The following CTNNB1 variants were observed in gnomAD, a reference collection of about 807,000 sequenced individuals.
The protein encoded by CTNNB1 is catenin beta 1.
CTNNB1 carries 6 observed loss-of-function variants against 82.5 expected under a neutral mutation model. The observed-to-expected ratio is 0.07, with a 90% CI of 0.04 to 0.14. The LOEUF is 0.14. Among genes scored for constraint, CTNNB1 ranks in the 10% least tolerant of loss-of-function variants. The pLI is 1.00. For synonymous variants in CTNNB1, 312 were observed against 329.7 expected, an observed-to-expected ratio of 0.95 and a Z score of 0.58; for missense variants, 529 against 980.4, an observed-to-expected ratio of 0.54 and a Z score of 6.15.
intron 1 of CTNNB1, among the ~76,000 whole-genome samples, chr3:41,220,288 G>C (rs2078014592): frequency 6.6e-6 from 1 of 151,708 alleles, no homozygotes; most frequent in Admixed American, 6.6e-5. Flanking sequence ...CAGTACCAAA[G>C]GCATACATTT....
At chr3:41,227,412 C>T (rs5743393) in intron 7 of CTNNB1, 60 bp downstream of exon 7, 7 of 1,574,774 alleles carry the variant, frequency 4.4e-6, no homozygotes, top group African/African-American at 1.3e-5. Flanking sequence ...AATTAGATTA[C>T]TTTTCTTAGG....
chr3:41,199,702 G>A (rs1032329293), intron 1 of CTNNB1, 32 bp downstream of exon 1: 10 of 152,074 alleles, frequency 6.6e-5, no homozygotes, highest in African/African-American at 2.4e-4. Context: ...TATCCTTCCG[G>A]GGCTGCTCCC....
At chr3:41,205,041 G>A (rs2077617568) in intron 1 of CTNNB1, among the ~76,000 whole-genome samples, 1 of 152,150 alleles carries the variant, frequency 6.6e-6, no homozygotes, top group African/African-American at 2.4e-5. Flanking sequence ...GGAAAAGGGG[G>A]AGAAGTAACT....
rs1295048026 is a variant in CTNNB1, at chr3:41,224,972, C to T, written c.260C>T (p.Ala87Val). The T allele has an allele frequency of 6.2e-7, 1 of 1,614,028 alleles. No homozygotes were observed. Among genetic ancestry groups the T allele is most frequent in the Non-Finnish European group, 8.5e-7 (1 of 1,179,962 alleles). ...TTTCCAGATATTGATGGACAGTATG[C>T]AATGACTCGAGCTCAGAGGGTACGA... ...EQVADIDGQY[A>V]MTRAQRVRAA... Residue 87 changes from alanine (A) to valine (V), a missense_variant, in exon 4 of 15, where the codon GCA (alanine) becomes GTA (valine). This residue lies in a region of CTNNB1 where 411 missense variants were observed against 776.4 expected (regional missense o/e 0.53). Transcript: ENST00000349496.
At chr3:41,233,125 A>G in intron 7 of CTNNB1, 1 of 614,730 alleles carries the variant, frequency 1.6e-6, no homozygotes, top group Non-Finnish European at 2.9e-6. Flanking sequence ...GGAAAGGAAC[A>G]GTAGCTATTT....
intron 2 of CTNNB1, 148 bp from the exon 3 acceptor site, chr3:41,224,378 C>G: frequency 1.2e-6 from 1 of 865,432 alleles, no homozygotes; most frequent in African/African-American, 1.7e-5. Context: ...CTGAGCTAAC[C>G]CTGGCTATCA....
chr3:41,210,550 C>G (rs973381412), intron 1 of CTNNB1, among the ~76,000 whole-genome samples: 1 of 152,202 alleles, frequency 6.6e-6, no homozygotes, highest in African/African-American at 2.4e-5. Context: ...ATCTCCACAT[C>G]TTGTCCTTCT....
At position 41,224,761 on chromosome 3, in the gene CTNNB1, T is replaced by C. The variant is rs2125618503; in HGVS notation, c.241+8T>C. 1 of 1,612,236 alleles carries C rather than the reference T, an allele frequency of 6.2e-7. No individual in the cohort carries two copies. Among genetic ancestry groups the C allele is most frequent in the Non-Finnish European group, 8.5e-7 (1 of 1,178,570 alleles). The stretch of plus-strand genomic sequence containing the variant: ...CTCAAGAACAAGTAGCTGGTAAGAG[T>C]ATTATTTTTCATTGCCTTACTGAAA... On this transcript the variant is annotated splice_region_variant and intron_variant, in intron 3 of 14. Transcript: ENST00000349496.
chr3:41,224,928 G>A (rs748570447), intron 3 of CTNNB1, 26 bp from the exon 4 acceptor site: 1 of 1,614,078 alleles, frequency 6.2e-7, no homozygotes, highest in Non-Finnish European at 8.5e-7. Flanking sequence ...ACTGTGGATA[G>A]TGAGTGTTGA....
rs767634955 is a variant in CTNNB1 at position 41,234,126 on chromosome 3, T to C, written c.1525-13T>C. The C allele has an allele frequency of 6.2e-7, 1 of 1,614,206 alleles. No homozygotes were observed. Among genetic ancestry groups the C allele is most frequent in the Non-Finnish European group, 8.5e-7 (1 of 1,180,020 alleles). On this transcript the variant is annotated splice_polypyrimidine_tract_variant and intron_variant, in intron 9 of 14. Transcript: ENST00000349496. ...TGTTGAGTTGTATGCCAGTTCTTCC[T>C]TCTGTTTTTCAGGCTACTGTTGGAT...
intron 10 of CTNNB1, 173 bp from the exon 11 acceptor site, chr3:41,235,551 A>T: frequency 1.3e-6 from 1 of 766,706 alleles, no homozygotes; most frequent in Non-Finnish European, 2.2e-6. Context: ...TAGTGCTGCC[A>T]GGAGGCCTCT....
chr3:41,206,329 G>A lies in CTNNB1; in HGVS notation c.-49+6659G>A, dbSNP rs925739412. Among the ~76,000 whole-genome samples, 3 of 152,056 alleles carry A rather than the reference G, an allele frequency of 2.0e-5. 1 individual carries two copies. In the Middle Eastern group the frequency reaches 9.5e-3, roughly 481 times the overall value. The stretch of plus-strand genomic sequence containing the variant: ...GGTAGCTGAGTTGGAAGCCAAAGAC[G>A]TACAAAAAAGCTGAAGTGTTAGGTT... On this transcript the variant is annotated intron_variant, in intron 1 of 14. Coordinates refer to ENST00000349496, the MANE Select transcript of CTNNB1 (RefSeq NM_001904.4).
chr3:41,236,628 C>T lies in CTNNB1; in HGVS notation c.1995C>T (p.Asp665=), dbSNP rs77750814. ...AAAVLFRMSE[D]KPQDYKKRLS... is the part of the protein sequence containing the mutation. ...CTGTTTTGTTCCGAATGTCTGAGGA[C>T]AAGCCACAAGATTACAAGAAACGGC... Residue 665 remains aspartate (D), a synonymous_variant, in exon 13 of 15, where the codon GAC becomes GAT. Coordinates refer to ENST00000349496, the MANE Select transcript of CTNNB1 (RefSeq NM_001904.4). 1.9e-6 allele frequency: 3 copies of T among 1,599,502 alleles called. No homozygotes were observed. Among genetic ancestry groups the T allele is most frequent in the African/African-American group, 2.7e-5 (2 of 74,470 alleles).
Position 41,224,511 on chromosome 3 carries a change from G to A in CTNNB1, c.14-15G>A, listed in dbSNP as rs200342485. The A allele has an allele frequency of 6.2e-7, 1 of 1,605,936 alleles. No homozygotes were observed. Among genetic ancestry groups the A allele is most frequent in the East Asian group, 2.2e-5 (1 of 44,820 alleles). ...TTTCCAATCTACTAATGCTAATACT[G>A]TTTCGTATTTATAGCTGATTTGATG... On this transcript the variant is annotated splice_polypyrimidine_tract_variant and intron_variant, in intron 2 of 14. Coordinates refer to ENST00000349496, the MANE Select transcript of CTNNB1 (RefSeq NM_001904.4).
intron 3 of CTNNB1, 39 bp downstream of exon 3, chr3:41,224,792 A>G: frequency 1.2e-6 from 2 of 1,603,580 alleles, no homozygotes; most frequent in Non-Finnish European, 1.7e-6. Context: ...TGAAAGTCAG[A>G]ATGCAGTTTT....
At chr3:41,209,049 T>G (rs2077716256) in intron 1 of CTNNB1, among the ~76,000 whole-genome samples, 1 of 152,238 alleles carries the variant, frequency 6.6e-6, no homozygotes, top group Non-Finnish European at 1.5e-5. Flanking sequence ...GTTAGTAGTA[T>G]TTGGCACCAT....
intron 1 of CTNNB1, among the ~76,000 whole-genome samples, chr3:41,217,175 CT>C (rs1432399967): frequency 6.6e-6 from 1 of 152,202 alleles, no homozygotes; most frequent in African/African-American, 2.4e-5. Context: ...ACTTTTCACT[CT>C]TTCTCTGCCT....
rs534614588 is a variant in CTNNB1, at chr3:41,233,165, C to G, written c.1082-176C>G. ...GTTTGTCACTAGTGAGGTGAACTGGCAAAGTGAAGGAAACTGAGCAACATT... is the reference window on the plus strand; with the variant it reads ...GTTTGTCACTAGTGAGGTGAACTGGGAAAGTGAAGGAAACTGAGCAACATT... On this transcript the variant is annotated intron_variant, in intron 7 of 14. Coordinates refer to ENST00000349496, the MANE Select transcript of CTNNB1 (RefSeq NM_001904.4). 516 of 669,368 alleles carry G rather than the reference C, an allele frequency of 7.7e-4. 12 individuals carry two copies. In the South Asian group the frequency reaches 8.9e-3, roughly 12 times the overall value. The allele number at this position is 669,368 out of a possible 1,614,324, so 41.5% of individuals were successfully genotyped here. A position where few individuals can be genotyped will look rare whatever the true frequency, so the allele number is the denominator to read the frequency against.
At chr3:41,228,452 G>C (rs2078230346) in intron 7 of CTNNB1, among the ~76,000 whole-genome samples, 1 of 152,168 alleles carries the variant, frequency 6.6e-6, no homozygotes, top group South Asian at 2.1e-4. Flanking sequence ...GTTTTGATTT[G>C]CATTTCTCTA....
Sources: gnomAD v4.1 joint callset for allele counts (sites outside exome capture counted in the v4.1 genomes callset) on GRCh38, gnomAD v4.1.1 for gene constraint, gnomAD v4.1.1 regional missense constraint, MANE v1.5 for transcripts, NCBI Gene and HGNC (gene_info 2026-07-23, HGNC 2026-07-21) for gene names.